MICU1: variants seen among roughly 807,000 people sequenced by gnomAD.
The protein encoded by MICU1 is mitochondrial calcium uptake 1.
Under a neutral mutation model 56.8 loss-of-function variants are expected in MICU1, and 45 were observed. The ratio of observed to expected loss-of-function variants is 0.79; its 90% CI spans 0.62 to 1.02. The LOEUF is 1.02. Ranked by LOEUF, MICU1 falls within the 50% of genes least tolerant of loss-of-function variation. The probability of loss-of-function intolerance (pLI) is 0.00; values close to 1 mark genes in which losing one functional copy is unlikely to be tolerated. For synonymous variants in MICU1, 186 were observed against 195.1 expected (o/e 0.95, Z 0.39); for missense variants, 504 against 587.1 (o/e 0.86, Z 1.46).
intron 8 of MICU1, among the ~76,000 whole-genome samples, chr10:72,437,558 T>C (rs1864773753): frequency 6.6e-6 from 1 of 152,146 alleles, no homozygotes; most frequent in Admixed American, 6.5e-5. Flanking sequence ...ATTAACCTTA[T>C]TAAATGTAAA....
At chr10:72,504,989 C>T (rs908686585) in intron 6 of MICU1, among the ~76,000 whole-genome samples, 2 of 148,706 alleles carry the variant, frequency 1.3e-5, no homozygotes, top group Non-Finnish European at 3.0e-5. Context: ...TTATTATTTT[C>T]GAGATGGAGT....
intron 8 of MICU1, among the ~76,000 whole-genome samples, chr10:72,437,083 G>A (rs1864753728): frequency 6.6e-6 from 1 of 152,130 alleles, no homozygotes; most frequent in Non-Finnish European, 1.5e-5. Context: ...GCAGCTCCAA[G>A]ACTCATAATG....
chr10:72,400,635 A>G (rs1439807274), intron 10 of MICU1, among the ~76,000 whole-genome samples: 1 of 152,052 alleles, frequency 6.6e-6, no homozygotes, highest in East Asian at 1.9e-4. Context: ...AATCCCAGCT[A>G]CTTGGGAGGC....
At chr10:72,539,424 A>G (rs561414384) in intron 4 of MICU1, among the ~76,000 whole-genome samples, 1 of 152,212 alleles carries the variant, frequency 6.6e-6, no homozygotes, top group Non-Finnish European at 1.5e-5. Flanking sequence ...AACTAGAAAT[A>G]AATAACAGGA....
At chr10:72,525,823 C>T (rs1314989334) in intron 5 of MICU1, among the ~76,000 whole-genome samples, 1 of 152,152 alleles carries the variant, frequency 6.6e-6, no homozygotes, top group Non-Finnish European at 1.5e-5. Flanking sequence ...GTTAACTGGT[C>T]TCTTGCTCAA....
At chr10:72,370,091 A>G (rs1185557604) in intron 11 of MICU1, among the ~76,000 whole-genome samples, 4 of 152,114 alleles carry the variant, frequency 2.6e-5, no homozygotes, top group Non-Finnish European at 5.9e-5. Flanking sequence ...GTTAGCCAGG[A>G]TGGTCTCAAT....
intron 8 of MICU1, among the ~76,000 whole-genome samples, chr10:72,456,946 G>GGTGTGTGTGTGTGTGTGTGT (rs71018292): frequency 8.5e-6 from 1 of 117,698 alleles, no homozygotes; most frequent in African/African-American, 3.2e-5. Context: ...ATATTGCCCA[G>GGTGTGTGTGTGTGTGTGTGT]GTGTGTGTGT....
At chr10:72,435,590 C>T (rs532708664) in intron 8 of MICU1, among the ~76,000 whole-genome samples, 172 of 152,244 alleles carry the variant, frequency 1.1e-3, no homozygotes, top group African/African-American at 4.0e-3. Flanking sequence ...GGCGGGGTGT[C>T]ACCTCACCTG....
chr10:72,457,769 CA>C (rs1432991929), intron 8 of MICU1, among the ~76,000 whole-genome samples: 1 of 151,786 alleles, frequency 6.6e-6, no homozygotes, highest in East Asian at 1.9e-4. Context: ...ACCACCACAA[CA>C]AAAAAACACC....
chr10:72,450,959 G>A (rs1261538542), intron 8 of MICU1, among the ~76,000 whole-genome samples: 3 of 150,738 alleles, frequency 2.0e-5, no homozygotes, highest in African/African-American at 7.3e-5. Flanking sequence ...CAGGTGATCT[G>A]CCTGCCTTGG....
intron 1 of MICU1, among the ~76,000 whole-genome samples, chr10:72,606,944 G>T (rs1024930774): frequency 6.6e-5 from 10 of 152,160 alleles, no homozygotes; most frequent in African/African-American, 2.4e-4. Context: ...TTCCAGGCTG[G>T]TGAACTCATG....
intron 8 of MICU1, among the ~76,000 whole-genome samples, chr10:72,454,539 T>TTGG (rs1312094356): frequency 6.6e-6 from 1 of 151,552 alleles, no homozygotes; most frequent in Non-Finnish European, 1.5e-5. Flanking sequence ...TCCCAGCACT[T>TTGG]TGGGAGGCCA....
chr10:72,373,865 G>T (rs1862428673), intron 11 of MICU1, among the ~76,000 whole-genome samples: 1 of 152,172 alleles, frequency 6.6e-6, no homozygotes, highest in African/African-American at 2.4e-5. Flanking sequence ...CTACAGCACT[G>T]CTGTGCATTA....
At chr10:72,429,634 C>T (rs968136521) in intron 8 of MICU1, among the ~76,000 whole-genome samples, 1 of 152,032 alleles carries the variant, frequency 6.6e-6, no homozygotes, top group South Asian at 2.1e-4. Context: ...ACAGACAAAA[C>T]ACCAGAAAAT....
intron 8 of MICU1, among the ~76,000 whole-genome samples, chr10:72,442,720 A>G (rs1864978016): frequency 6.6e-6 from 1 of 152,178 alleles, no homozygotes; most frequent in Non-Finnish European, 1.5e-5. Flanking sequence ...TACAGTAGGT[A>G]AGGTCTAGAC....
chr10:72,380,211 C>A (rs2132045106), intron 10 of MICU1, among the ~76,000 whole-genome samples: 1 of 152,310 alleles, frequency 6.6e-6, no homozygotes, highest in Admixed American at 6.5e-5. Context: ...GGGATTCCAG[C>A]TCCCAATCTG....
intron 10 of MICU1, among the ~76,000 whole-genome samples, chr10:72,376,196 T>C (rs1375358466): frequency 6.6e-6 from 1 of 151,750 alleles, no homozygotes. Context: ...GAGAATTGCT[T>C]GAACCCGAGA....
chr10:72,578,105 G>A (rs370116920), intron 1 of MICU1, among the ~76,000 whole-genome samples: 1 of 152,134 alleles, frequency 6.6e-6, no homozygotes, highest in African/African-American at 2.4e-5. Flanking sequence ...TGCTGCAAAC[G>A]TCATTGTTGT....
chr10:72,391,569 G>A (rs1251810432), intron 10 of MICU1, among the ~76,000 whole-genome samples: 1 of 151,990 alleles, frequency 6.6e-6, no homozygotes, highest in Non-Finnish European at 1.5e-5. Flanking sequence ...ATAGTAATAG[G>A]TATTATATGT....
Sources: gnomAD v4.1 joint callset for allele counts (sites outside exome capture counted in the v4.1 genomes callset) on GRCh38, gnomAD v4.1.1 for gene constraint, MANE v1.5 for transcripts, NCBI Gene and HGNC (gene_info 2026-07-23, HGNC 2026-07-21) for gene names.